FAM135B: variants seen among roughly 807,000 people sequenced by gnomAD.
The protein encoded by FAM135B is protein FAM135B.
FAM135B carries 43 observed loss-of-function variants against 127.7 expected under a neutral mutation model. That is an observed-to-expected ratio of 0.34 (90% confidence interval 0.26 to 0.43). The LOEUF (loss-of-function observed/expected upper bound fraction) is 0.43, where lower values mean the gene tolerates loss of function less well. Ranked by LOEUF, FAM135B falls within the 20% of genes least tolerant of loss-of-function variation. The probability of loss-of-function intolerance (pLI) is 1.00; values close to 1 mark genes in which losing one functional copy is unlikely to be tolerated. For missense variants in FAM135B, 1,558 were observed against 1,725.6 expected (o/e 0.90, Z 1.72); for synonymous variants, 670 against 665.1 (o/e 1.01, Z -0.11).
intron 1 of FAM135B, among the ~76,000 whole-genome samples, chr8:138,464,234 G>A (rs17725200): frequency 0.051 from 7,823 of 152,188 alleles, 281 homozygotes; most frequent in Non-Finnish European, 0.081. Context: ...ATGTCAGCCC[G>A]ATGGATACAC....
chr8:138,370,402 A>C (rs552398083), intron 1 of FAM135B, among the ~76,000 whole-genome samples: 1 of 152,126 alleles, frequency 6.6e-6, no homozygotes, highest in Non-Finnish European at 1.5e-5. Context: ...AACACCCATA[A>C]TGCAGTGAGG....
chr8:138,168,302 A>G (rs965588624), intron 11 of FAM135B, among the ~76,000 whole-genome samples: 1 of 152,214 alleles, frequency 6.6e-6, no homozygotes, highest in Non-Finnish European at 1.5e-5. Context: ...AGTATTTATC[A>G]TCGACCATTT....
At chr8:138,203,893 G>T (rs1407584866) in intron 7 of FAM135B, among the ~76,000 whole-genome samples, 13 of 152,120 alleles carry the variant, frequency 8.5e-5, no homozygotes, top group Non-Finnish European at 2.9e-5. Flanking sequence ...AGATCATCAG[G>T]TATTAGATTC....
intron 3 of FAM135B, among the ~76,000 whole-genome samples, chr8:138,278,249 GC>G (rs58116070): frequency 1 from 151,826 of 151,826 alleles, 75,913 homozygotes; most frequent in Non-Finnish European, 1. Flanking sequence ...CTAAGCCTTG[GC>G]CTGACACCCA....
rs1258232198 is a variant in FAM135B at position 138,423,141 on chromosome 8, G to A, written c.-19-55139C>T. ...AGGGTAGAGAGTGGGAGGGGGGTGA[G>A]GATTGAAAATCTACCTTTTGAGTAC... is the stretch of plus-strand genomic sequence containing the variant. On this transcript the variant is annotated intron_variant, in intron 1 of 19. Coordinates refer to ENST00000395297, the MANE Select transcript of FAM135B (RefSeq NM_015912.4). Among the ~76,000 whole-genome samples, 4 of 152,074 alleles carry A rather than the reference G, an allele frequency of 2.6e-5. No individual in the cohort carries two copies. The East Asian group carries it at 7.7e-4, about 29-fold the overall frequency.
In FAM135B at chr8:138,152,532, A is replaced by G. The variant is rs2130772963; in HGVS notation, c.1943T>C (p.Leu648Pro). 1 of 1,614,176 alleles carries G rather than the reference A, an allele frequency of 6.2e-7. No homozygotes were observed. Among genetic ancestry groups the G allele is most frequent in the East Asian group, 2.2e-5 (1 of 44,858 alleles). The change falls in exon 13 of 20, where the codon CTG (leucine) becomes CCG (proline). Residue 648 changes from leucine (L) to proline (P), a missense_variant. By Grantham distance (98) the Leu-to-Pro change is moderately conservative. This residue lies in a region of FAM135B where 923 missense variants were observed against 865.3 expected (regional missense o/e 1.07). Transcript: ENST00000395297. Reference sequence around the variant, plus strand: ...AGACCTAATATCTAAGGGCTCCCTCAGGGTAGAACTTAGTGGATCACAGGG... The same window carrying G: ...AGACCTAATATCTAAGGGCTCCCTCGGGGTAGAACTTAGTGGATCACAGGG... ...SEPCDPLSST[L>P]REPLDIRSSL...
intron 12 of FAM135B, among the ~76,000 whole-genome samples, chr8:138,159,038 C>T (rs13272063): frequency 0.69 from 103,443 of 149,592 alleles, 35,833 homozygotes; most frequent in East Asian, 0.79. Context: ...TTTGGGAGGC[C>T]GAGGCGGGTG....
intron 7 of FAM135B, among the ~76,000 whole-genome samples, chr8:138,237,445 G>A (rs779595243): frequency 6.6e-6 from 1 of 152,166 alleles, no homozygotes; most frequent in African/African-American, 2.4e-5. Context: ...ACAGGCGTGA[G>A]CCACAGTGCC....
At chr8:138,226,187 G>GCGCGCGCA (rs1458098401) in intron 7 of FAM135B, among the ~76,000 whole-genome samples, 3 of 148,652 alleles carry the variant, frequency 2.0e-5, no homozygotes, top group East Asian at 2.2e-4. Flanking sequence ...GTGTGTGTGC[G>GCGCGCGCA]CGCATGTCAT....
chr8:138,398,457 A>G (rs894164606), intron 1 of FAM135B, among the ~76,000 whole-genome samples: 3 of 152,232 alleles, frequency 2.0e-5, no homozygotes, highest in African/African-American at 4.8e-5. Flanking sequence ...GGCCTCGGGG[A>G]ACCAGGCACA....
chr8:138,405,232 T>A (rs1223386022), intron 1 of FAM135B, among the ~76,000 whole-genome samples: 2 of 152,028 alleles, frequency 1.3e-5, no homozygotes, highest in South Asian at 4.2e-4. Flanking sequence ...TTCTTCTTAT[T>A]ATTATACTTT....
chr8:138,348,247 G>T (rs1829549065), intron 2 of FAM135B, among the ~76,000 whole-genome samples: 1 of 137,710 alleles, frequency 7.3e-6, no homozygotes, highest in African/African-American at 2.7e-5. Context: ...CAATTTTCCT[G>T]TCTCAGCCTT....
intron 3 of FAM135B, among the ~76,000 whole-genome samples, chr8:138,285,331 G>A (rs947348691): frequency 1.3e-5 from 2 of 151,850 alleles, no homozygotes; most frequent in African/African-American, 4.8e-5. Flanking sequence ...ATTTTCAGTA[G>A]AGACAGGGTT....
At chr8:138,247,772 T>C (rs1267604434) in intron 6 of FAM135B, among the ~76,000 whole-genome samples, 1 of 152,234 alleles carries the variant, frequency 6.6e-6, no homozygotes, top group Non-Finnish European at 1.5e-5. Context: ...CAGGTAACTC[T>C]ACTGCTCAAA....
chr8:138,243,676 G>A lies in FAM135B; in HGVS notation c.543-608C>T, dbSNP rs765593320. On this transcript the variant is annotated intron_variant, in intron 6 of 19. Coordinates refer to ENST00000395297, the MANE Select transcript of FAM135B (RefSeq NM_015912.4). This position sits in a 1 kb window ranked among gnomAD's most constrained non-coding sequence, Gnocchi z 7.5. ...ATCCAAAGATTAATGGACATATTGTGATGGCAATGATCAATTTCAGGATCA... is the reference window on the plus strand; with the variant it reads ...ATCCAAAGATTAATGGACATATTGTAATGGCAATGATCAATTTCAGGATCA... 2.6e-5 allele frequency among the ~76,000 whole-genome samples: 4 copies of A among 152,224 alleles called. No homozygotes were observed. The highest frequency in any genetic ancestry group is 1.9e-4 in the East Asian group (1 of 5,200).
At chr8:138,203,396 A>T (rs1484468607) in intron 7 of FAM135B, among the ~76,000 whole-genome samples, 1 of 152,168 alleles carries the variant, frequency 6.6e-6, no homozygotes, top group Non-Finnish European at 1.5e-5. Flanking sequence ...CTTCGTTCTC[A>T]CTTTGAGCAC....
chr8:138,261,399 T>C (rs1311141540), intron 4 of FAM135B, among the ~76,000 whole-genome samples: 1 of 152,228 alleles, frequency 6.6e-6, no homozygotes, highest in Non-Finnish European at 1.5e-5. Flanking sequence ...TTAATAATTG[T>C]ATCTTCTTCT....
chr8:138,242,866 C>A lies in FAM135B; in HGVS notation c.669+76G>T, dbSNP rs1164105674. 1 of 1,513,014 alleles carries A rather than the reference C, an allele frequency of 6.6e-7. No individual in the cohort carries two copies. The allele number at this position is 1,513,014 out of a possible 1,614,324, so 93.7% of individuals were successfully genotyped here. A position where few individuals can be genotyped will look rare whatever the true frequency, so the allele number is the denominator to read the frequency against. ...CTCTGAAGGGGATGTTTCAAAGAAG[C>A]ATGAATCTCATAGAACATACACTCT... is the stretch of plus-strand genomic sequence containing the variant. On this transcript the variant is annotated intron_variant, in intron 7 of 19. Transcript: ENST00000395297. This position sits in a 1 kb window ranked among gnomAD's most constrained non-coding sequence, Gnocchi z 9.6.
At chr8:138,266,893 T>A (rs1822983610) in intron 3 of FAM135B, among the ~76,000 whole-genome samples, 1 of 150,788 alleles carries the variant, frequency 6.6e-6, no homozygotes, top group Admixed American at 6.6e-5. Flanking sequence ...ATTGATTACC[T>A]ATTTATAATA....
Sources: allele counts gnomAD v4.1 joint callset (sites outside exome capture counted in the v4.1 genomes callset), GRCh38; gene constraint gnomAD v4.1.1; regional missense constraint gnomAD v4.1.1; non-coding constraint Gnocchi (gnomAD v3.1); transcripts MANE v1.5; gene names NCBI Gene and HGNC (gene_info 2026-07-23, HGNC 2026-07-21).